Variants in ZFAND3 observed in about 807,000 individuals in gnomAD.
ZFAND3 encodes AN1-type zinc finger protein 3.
ZFAND3 carries 10 observed loss-of-function variants against 29.6 expected under a neutral mutation model. That is an observed-to-expected ratio of 0.34 (90% confidence interval 0.21 to 0.57). The LOEUF (loss-of-function observed/expected upper bound fraction) is 0.57. ZFAND3 is among the 20% of genes least tolerant of loss of function. The pLI is 0.86. For missense variants in ZFAND3, 230 were observed against 304.5 expected (o/e 0.76, Z 1.82); for synonymous variants, 128 against 112.6 (o/e 1.14, Z -0.87).
At chr6:37,909,071 T>C (rs1482180732) in intron 1 of ZFAND3, among the ~76,000 whole-genome samples, 4 of 152,162 alleles carry the variant, frequency 2.6e-5, no homozygotes, top group South Asian at 4.1e-4. Context: ...CTTAACTCTT[T>C]CAGAGAGAAA....
chr6:37,879,753 T>C (rs1764857210), intron 1 of ZFAND3, among the ~76,000 whole-genome samples: 1 of 152,208 alleles, frequency 6.6e-6, no homozygotes, highest in Non-Finnish European at 1.5e-5. Context: ...TTTCAGAATG[T>C]GAGTTAGGGT....
chr6:38,097,468 T>A (rs1320913138), intron 4 of ZFAND3, among the ~76,000 whole-genome samples: 1 of 152,124 alleles, frequency 6.6e-6, no homozygotes, highest in Non-Finnish European at 1.5e-5. Context: ...AGTATAGGTA[T>A]TAACTGGCAG....
chr6:38,151,104 C>T (rs748595559), intron 5 of ZFAND3, among the ~76,000 whole-genome samples: 32 of 152,180 alleles, frequency 2.1e-4, no homozygotes, highest in Non-Finnish European at 4.4e-4. Context: ...GCGTATCGGC[C>T]GCTCTAGAGA....
intron 1 of ZFAND3, among the ~76,000 whole-genome samples, chr6:37,836,851 G>A (rs765082653): frequency 2.0e-5 from 3 of 152,060 alleles, no homozygotes; most frequent in African/African-American, 7.2e-5. Flanking sequence ...ACAAGATTGC[G>A]TTCACCTCAT....
At chr6:38,016,704 T>C (rs548498535) in intron 2 of ZFAND3, among the ~76,000 whole-genome samples, 19 of 152,324 alleles carry the variant, frequency 1.2e-4, no homozygotes, top group African/African-American at 4.6e-4. Context: ...AAGGTAGATA[T>C]AGGTACAACA....
intron 3 of ZFAND3, among the ~76,000 whole-genome samples, chr6:38,081,588 A>G (rs1236912976): frequency 6.6e-6 from 1 of 152,112 alleles, no homozygotes; most frequent in African/African-American, 2.4e-5. Context: ...ACATTTGCCT[A>G]TGTGTCCTAT....
chr6:38,048,378 T>G (rs1056168236), intron 2 of ZFAND3, among the ~76,000 whole-genome samples: 1 of 151,570 alleles, frequency 6.6e-6, no homozygotes, highest in Non-Finnish European at 1.5e-5. Flanking sequence ...TCCCAGCACT[T>G]TGGGAGGCCG....
At chr6:37,950,943 G>A (rs781048626) in intron 2 of ZFAND3, among the ~76,000 whole-genome samples, 33 of 152,136 alleles carry the variant, frequency 2.2e-4, no homozygotes, top group Non-Finnish European at 3.8e-4. Context: ...CATGAAATGT[G>A]TAAATTGCCT....
At chr6:38,063,669 A>G (rs989160108) in intron 3 of ZFAND3, among the ~76,000 whole-genome samples, 6 of 152,206 alleles carry the variant, frequency 3.9e-5, no homozygotes, top group African/African-American at 7.2e-5. Context: ...TCAATGGCAA[A>G]TGACTGTCTT....
At chr6:37,968,931 A>C (rs1176159850) in intron 2 of ZFAND3, among the ~76,000 whole-genome samples, 1 of 152,234 alleles carries the variant, frequency 6.6e-6, no homozygotes, top group African/African-American at 2.4e-5. Context: ...CAGTGCAGTT[A>C]AACTGCAGTC....
rs566827360 is a variant in ZFAND3, at chr6:37,832,382, C to T, written c.71+12366C>T. On this transcript the variant is annotated intron_variant, in intron 1 of 5. Coordinates refer to ENST00000287218, the MANE Select transcript of ZFAND3 (RefSeq NM_021943.3). ...GTAGAAGTTCTTTCACTTACAAACTCTAGATATGAAAGGTCATTTGTGAAT... is the reference window on the plus strand; with the variant it reads ...GTAGAAGTTCTTTCACTTACAAACTTTAGATATGAAAGGTCATTTGTGAAT... Among the ~76,000 whole-genome samples, 6 of 152,240 alleles carry T rather than the reference C, an allele frequency of 3.9e-5. No homozygotes were observed. The East Asian group carries it at 1.2e-3, about 29-fold the overall frequency.
intron 2 of ZFAND3, among the ~76,000 whole-genome samples, chr6:38,039,266 G>A (rs1349539425): frequency 3.9e-5 from 6 of 152,164 alleles, no homozygotes; most frequent in East Asian, 3.8e-4. Context: ...TGGAAAGAAT[G>A]AGATGATCTG....
intron 2 of ZFAND3, among the ~76,000 whole-genome samples, chr6:38,034,733 A>C (rs1323311454): frequency 6.6e-6 from 1 of 152,202 alleles, no homozygotes; most frequent in Non-Finnish European, 1.5e-5. Flanking sequence ...TCTAGACAAA[A>C]GAGGAATTAA....
At chr6:38,057,275 A>G (rs1764149084) in intron 2 of ZFAND3, among the ~76,000 whole-genome samples, 1 of 152,140 alleles carries the variant, frequency 6.6e-6, no homozygotes, top group South Asian at 2.1e-4. Flanking sequence ...CTTTACATGT[A>G]ATATAAATCT....
chr6:38,027,030 C>T (rs1219524132), intron 2 of ZFAND3, among the ~76,000 whole-genome samples: 1 of 152,132 alleles, frequency 6.6e-6, no homozygotes, highest in Non-Finnish European at 1.5e-5. Flanking sequence ...ATTCCGTTCC[C>T]TAAATATTTT....
At chr6:38,139,697 C>T (rs1765910959) in intron 5 of ZFAND3, among the ~76,000 whole-genome samples, 2 of 152,118 alleles carry the variant, frequency 1.3e-5, no homozygotes, top group African/African-American at 4.8e-5. Flanking sequence ...TGGATCTCAT[C>T]ATCTCATCAT....
Position 38,041,667 on chromosome 6 carries a change from CTTCTTCTT to C in ZFAND3, c.113-19925_113-19918del, listed in dbSNP as rs1581863212. Among the ~76,000 whole-genome samples the C allele has an allele frequency of 3.8e-4, 9 of 23,464 alleles. 1 individual carries two copies. Among genetic ancestry groups the C allele is most frequent in the Admixed American group, 1.7e-3 (3 of 1,734 alleles). 15.4% of individuals were successfully genotyped at this position (23,464 alleles called of 152,430 possible). On this transcript the variant is annotated intron_variant, in intron 2 of 5. Coordinates refer to ENST00000287218, the MANE Select transcript of ZFAND3 (RefSeq NM_021943.3). ...TCTTCTTCTTCTTCTTCTTCTTCTT[CTTCTTCTT>C]CTTCTTCTTCTCCTTCTCCTTCTCC...
chr6:37,873,988 G>A (rs1764746920), intron 1 of ZFAND3, among the ~76,000 whole-genome samples: 1 of 152,124 alleles, frequency 6.6e-6, no homozygotes, highest in South Asian at 2.1e-4. Context: ...ATCTGCCAGG[G>A]CTACTGTAAC....
chr6:37,971,463 A>G (rs570762087), intron 2 of ZFAND3, among the ~76,000 whole-genome samples: 44 of 152,314 alleles, frequency 2.9e-4, no homozygotes, highest in Non-Finnish European at 4.4e-4. Context: ...GAAGTTTTCC[A>G]GCACATTTCT....
Sources: gnomAD v4.1 joint callset for allele counts (sites outside exome capture counted in the v4.1 genomes callset) on GRCh38, gnomAD v4.1.1 for gene constraint, MANE v1.5 for transcripts, NCBI Gene and HGNC (gene_info 2026-07-23, HGNC 2026-07-21) for gene names.